Variants in CCDC3 observed in about 807,000 individuals in gnomAD.
CCDC3 encodes coiled-coil domain-containing protein 3.
CCDC3 carries 24 observed loss-of-function variants against 21.4 expected under a neutral mutation model. That is an observed-to-expected ratio of 1.12 (90% CI 0.81 to 1.58). The LOEUF is 1.58. Ranked by LOEUF, CCDC3 falls within the 40% of genes most tolerant of loss-of-function variation. The pLI, the probability that CCDC3 is intolerant of heterozygous loss-of-function variation, is 0.00. For synonymous variants in CCDC3, 186 were observed against 166.0 expected (o/e 1.12, Z -0.93); for missense variants, 425 against 360.9 (o/e 1.18, Z -1.44).
At chr10:13,013,597 T>C (rs1221174734) in intron 5 of CCDC3, among the ~76,000 whole-genome samples, 2 of 152,182 alleles carry the variant, frequency 1.3e-5, no homozygotes, top group African/African-American at 4.8e-5. Context: ...TCCTGGCAGA[T>C]ACCATGGTAA....
At chr10:13,010,919 C>T (rs922148745) in intron 5 of CCDC3, among the ~76,000 whole-genome samples, 3 of 152,160 alleles carry the variant, frequency 2.0e-5, no homozygotes, top group East Asian at 1.9e-4. Context: ...CAGCGGCTCA[C>T]GCCTGTAATC....
At chr10:12,920,988 C>T (rs1460004743) in intron 2 of CCDC3, among the ~76,000 whole-genome samples, 1 of 152,214 alleles carries the variant, frequency 6.6e-6, no homozygotes, top group Admixed American at 6.5e-5. Context: ...CTTCCCCTAA[C>T]CCTCGGCAGC....
intron 2 of CCDC3, among the ~76,000 whole-genome samples, chr10:12,983,195 T>C (rs1589030136): frequency 7.0e-6 from 1 of 142,104 alleles, no homozygotes; most frequent in African/African-American, 2.6e-5. Flanking sequence ...CTCTAAAGGT[T>C]TTGGGGTAGA....
intron 2 of CCDC3, among the ~76,000 whole-genome samples, chr10:12,917,893 C>T (rs950134659): frequency 6.6e-6 from 1 of 152,170 alleles, no homozygotes; most frequent in Non-Finnish European, 1.5e-5. Context: ...AGGATTGACA[C>T]TCAAAAGTGA....
chr10:12,979,335 T>C (rs1835462554), intron 2 of CCDC3, among the ~76,000 whole-genome samples: 1 of 151,852 alleles, frequency 6.6e-6, no homozygotes, highest in African/African-American at 2.4e-5. Flanking sequence ...CTCCCTTTCT[T>C]TTTTTCCCCT....
intron 2 of CCDC3, among the ~76,000 whole-genome samples, chr10:12,952,436 G>C (rs1220855001): frequency 2.6e-5 from 4 of 152,182 alleles, no homozygotes; most frequent in African/African-American, 7.2e-5. Flanking sequence ...ATATACTCAG[G>C]TAGACTGAGA....
At chr10:13,055,338 T>C (rs1836667637) in intron 4 of CCDC3, among the ~76,000 whole-genome samples, 1 of 148,250 alleles carries the variant, frequency 6.7e-6, no homozygotes, top group Admixed American at 6.7e-5. Context: ...ATCCACTTCT[T>C]TTTTTTTTTT....
chr10:12,930,033 C>T (rs1287143547), intron 2 of CCDC3, among the ~76,000 whole-genome samples: 1 of 152,162 alleles, frequency 6.6e-6, no homozygotes, highest in African/African-American at 2.4e-5. Flanking sequence ...AATAAAATTG[C>T]AGTTCAGGCA....
In CCDC3 at chr10:12,972,919, T is replaced by C. The variant is rs535562737; in HGVS notation, c.549+25419A>G. ...TGATGTAGTAGAAAGAACTCCAACT[T>C]TGAATCCAGACAGGCACGGTTTGAA... On this transcript the variant is annotated intron_variant, in intron 2 of 2. Transcript: ENST00000378825. 2.0e-5 allele frequency among the ~76,000 whole-genome samples: 3 copies of C among 152,344 alleles called. No individual in the cohort carries two copies. In the South Asian group the frequency reaches 6.2e-4, roughly 32 times the overall value.
chr10:13,019,559 T>C (rs1218090839), intron 5 of CCDC3, among the ~76,000 whole-genome samples: 1 of 152,248 alleles, frequency 6.6e-6, no homozygotes, highest in East Asian at 1.9e-4. Flanking sequence ...AGTAAAGTAC[T>C]TGGTAGAAGA....
intron 5 of CCDC3, among the ~76,000 whole-genome samples, chr10:13,030,999 T>C (rs1295924732): frequency 2.6e-5 from 4 of 152,182 alleles, no homozygotes; most frequent in East Asian, 3.9e-4. Flanking sequence ...GCAGACCTAA[T>C]AGACATCTAC....
chr10:12,901,567 C>G (rs1395121843), intron 2 of CCDC3, among the ~76,000 whole-genome samples: 1 of 152,196 alleles, frequency 6.6e-6, no homozygotes, highest in Non-Finnish European at 1.5e-5. Context: ...GTCACTGCAC[C>G]TGGCCCACCT....
At chr10:13,030,367 G>C (rs1200766359) in intron 5 of CCDC3, among the ~76,000 whole-genome samples, 1 of 152,142 alleles carries the variant, frequency 6.6e-6, no homozygotes, top group African/African-American at 2.4e-5. Context: ...GGAACAACCG[G>C]TACCACCCAC....
intron 2 of CCDC3, among the ~76,000 whole-genome samples, chr10:12,928,565 GTC>G (rs1249885043): frequency 2.8e-4 from 42 of 152,266 alleles, no homozygotes; most frequent in Middle Eastern, 6.8e-3. Flanking sequence ...AACAAGACAG[GTC>G]TGATCATCTC....
At chr10:12,935,405 C>CAATCT (rs1834721062) in intron 2 of CCDC3, among the ~76,000 whole-genome samples, 1 of 152,092 alleles carries the variant, frequency 6.6e-6, no homozygotes, top group South Asian at 2.1e-4. Context: ...TCCATTATGG[C>CAATCT]AATCTATCTT....
At chr10:12,990,723 A>T (rs1835668577) in intron 2 of CCDC3, among the ~76,000 whole-genome samples, 1 of 152,218 alleles carries the variant, frequency 6.6e-6, no homozygotes, top group Non-Finnish European at 1.5e-5. Context: ...TATATTGTAT[A>T]ATTAAATCTC....
At chr10:13,048,434 T>C (rs773730559) in intron 5 of CCDC3, among the ~76,000 whole-genome samples, 5 of 152,156 alleles carry the variant, frequency 3.3e-5, no homozygotes, top group Non-Finnish European at 4.4e-5. Flanking sequence ...CCTTGTGATC[T>C]GCCCACCTCG....
At chr10:12,980,397 G>A (rs1023456396) in intron 2 of CCDC3, among the ~76,000 whole-genome samples, 10 of 152,156 alleles carry the variant, frequency 6.6e-5, no homozygotes, top group South Asian at 2.1e-4. Flanking sequence ...CACAGGCTGC[G>A]CTTATTCTAA....
chr10:13,042,697 A>G (rs1836474472), intron 5 of CCDC3, among the ~76,000 whole-genome samples: 1 of 151,656 alleles, frequency 6.6e-6, no homozygotes, highest in South Asian at 2.1e-4. Context: ...TCACGAGGTC[A>G]GGAGATCGAG....
Sources: allele counts gnomAD v4.1 joint callset (sites outside exome capture counted in the v4.1 genomes callset), GRCh38; gene constraint gnomAD v4.1.1; transcripts MANE v1.5; gene names NCBI Gene and HGNC (gene_info 2026-07-23, HGNC 2026-07-21).